The following SOX6 variants were observed in gnomAD, a reference collection of about 807,000 sequenced individuals.
The protein encoded by SOX6 is transcription factor SOX-6.
SOX6 carries 11 observed loss-of-function variants against 97.8 expected under a neutral mutation model. That is an observed-to-expected ratio of 0.11 (90% confidence interval 0.07 to 0.19). The LOEUF (loss-of-function observed/expected upper bound fraction) is 0.19, where lower values mean the gene tolerates loss of function less well. SOX6 is among the 10% of genes least tolerant of loss of function. The pLI is 1.00. For synonymous variants in SOX6, 360 were observed against 371.4 expected, an observed-to-expected ratio of 0.97 and a Z score of 0.35; for missense variants, 810 against 1,039.5, an observed-to-expected ratio of 0.78 and a Z score of 3.04.
At chr11:15,999,874 T>A (rs945488153) in intron 13 of SOX6, among the ~76,000 whole-genome samples, 5 of 152,180 alleles carry the variant, frequency 3.3e-5, no homozygotes, top group Admixed American at 1.3e-4. Flanking sequence ...ATACATTTGA[T>A]AGTCCCTTAC....
At chr11:16,333,339 T>G (rs961174234) in intron 2 of SOX6, among the ~76,000 whole-genome samples, 3 of 152,196 alleles carry the variant, frequency 2.0e-5, no homozygotes, top group Non-Finnish European at 4.4e-5. Context: ...AAACATTATT[T>G]TCTTCATGTT....
intron 4 of SOX6, among the ~76,000 whole-genome samples, chr11:16,228,685 G>A (rs921392015): frequency 6.6e-6 from 1 of 152,086 alleles, no homozygotes; most frequent in Non-Finnish European, 1.5e-5. Flanking sequence ...CACAGAACAA[G>A]GTAACTATGT....
chr11:16,357,314 T>A (rs897427191), upstream of SOX6, among the ~76,000 whole-genome samples: 19 of 152,138 alleles, frequency 1.2e-4, no homozygotes, highest in African/African-American at 2.2e-4. Flanking sequence ...CAGCACAGAA[T>A]GAAATGAAAA....
At chr11:16,321,227 T>C (rs899042971) in intron 2 of SOX6, among the ~76,000 whole-genome samples, 5 of 151,840 alleles carry the variant, frequency 3.3e-5, no homozygotes, top group Non-Finnish European at 5.9e-5. Context: ...TTCAGTTGCT[T>C]TTATTTCAGA....
chr11:16,068,556 T>C (rs1288260044), intron 9 of SOX6, among the ~76,000 whole-genome samples: 1 of 152,164 alleles, frequency 6.6e-6, no homozygotes, highest in Non-Finnish European at 1.5e-5. Flanking sequence ...TAGAAGGTAC[T>C]TGTTCAACTA....
At chr11:16,377,800 C>T (rs894084200) in intron 1 of SOX6, among the ~76,000 whole-genome samples, 8 of 152,064 alleles carry the variant, frequency 5.3e-5, no homozygotes, top group Admixed American at 3.3e-4. Flanking sequence ...TATAAACAAG[C>T]ATTTAAAAAG....
At chr11:16,546,072 A>C (rs1847617986) in intron 4 of SOX6, among the ~76,000 whole-genome samples, 1 of 152,116 alleles carries the variant, frequency 6.6e-6, no homozygotes, top group Admixed American at 6.6e-5. Context: ...CTAGCTGAGA[A>C]AGAAACCAAG....
intron 1 of SOX6, among the ~76,000 whole-genome samples, chr11:16,460,179 T>C (rs1859894239): frequency 1.3e-5 from 2 of 152,034 alleles, no homozygotes; most frequent in Non-Finnish European, 2.9e-5. Context: ...TTTAAAATAT[T>C]GGACAACCAA....
chr11:16,098,085 G>A (rs1294188016), intron 7 of SOX6, among the ~76,000 whole-genome samples: 1 of 151,808 alleles, frequency 6.6e-6, no homozygotes, highest in Non-Finnish European at 1.5e-5. Flanking sequence ...AGGCAAAGAA[G>A]AGTATTAGAG....
chr11:16,090,607 A>G (rs1249244327), intron 9 of SOX6, among the ~76,000 whole-genome samples: 1 of 151,956 alleles, frequency 6.6e-6, no homozygotes, highest in Non-Finnish European at 1.5e-5. Context: ...TGTCTCTTAT[A>G]GACAGAGCAC....
In SOX6 at chr11:16,132,285, AG is replaced by A. The variant is rs1269953229; in HGVS notation, c.778-20363del. Among the ~76,000 whole-genome samples the A allele has an allele frequency of 5.4e-5, 4 of 74,492 alleles. 1 individual carries two copies. Among genetic ancestry groups the A allele is most frequent in the Non-Finnish European group, 1.1e-4 (4 of 36,100 alleles). 48.9% of individuals were successfully genotyped at this position (74,492 alleles called of 152,430 possible). The stretch of plus-strand genomic sequence containing the variant: ...AAAGAAAGAAGGAAGGAAGGAAGGA[AG>A]GAAGGAAGGAAGGAAGGAAGGAAGG... On this transcript the variant is annotated intron_variant, in intron 6 of 15. Transcript: ENST00000683767.
chr11:15,981,602 A>G (rs1372055518), intron 15 of SOX6, among the ~76,000 whole-genome samples: 1 of 152,052 alleles, frequency 6.6e-6, no homozygotes, highest in East Asian at 1.9e-4. Context: ...TGTTCACTTT[A>G]CCTATTGAAT....
intron 3 of SOX6, among the ~76,000 whole-genome samples, chr11:16,243,960 T>C (rs1853265651): frequency 1.3e-5 from 2 of 152,132 alleles, no homozygotes; most frequent in South Asian, 4.1e-4. Context: ...TTTAGATGTA[T>C]TAGAAATAAA....
At chr11:16,214,827 G>A (rs1308863034) in intron 4 of SOX6, among the ~76,000 whole-genome samples, 1 of 144,864 alleles carries the variant, frequency 6.9e-6, no homozygotes. Flanking sequence ...TCGGCTCACT[G>A]CAACCTCCGC....
At chr11:16,550,935 A>T (rs1038916881) in intron 4 of SOX6, among the ~76,000 whole-genome samples, 7 of 152,146 alleles carry the variant, frequency 4.6e-5, no homozygotes, top group African/African-American at 1.4e-4. Flanking sequence ...TGGTAAATTA[A>T]GGCCAGGCGC....
intron 4 of SOX6, among the ~76,000 whole-genome samples, chr11:16,572,448 A>C (rs1461537129): frequency 6.6e-6 from 1 of 152,338 alleles, no homozygotes; most frequent in African/African-American, 2.4e-5. Context: ...CAGAAAACCT[A>C]TACAGACAAA....
chr11:16,117,086 A>T (rs1402960331), intron 6 of SOX6, among the ~76,000 whole-genome samples: 2 of 152,196 alleles, frequency 1.3e-5, no homozygotes, highest in African/African-American at 4.8e-5. Flanking sequence ...GTGGTGGCTC[A>T]TGCCTATAAT....
Position 15,972,499 on chromosome 11 carries a change from A to C in SOX6, c.*310T>G, listed in dbSNP as rs571399723. 8.1e-6 allele frequency: 3 copies of C among 371,634 alleles called. No homozygotes were observed. The highest frequency in any genetic ancestry group is 1.5e-5 in the Non-Finnish European group (3 of 202,340). The allele number at this position is 371,634 out of a possible 1,614,324, so 23.0% of individuals were successfully genotyped here. ...TTATCAACATCCAAAAGAAAAAAAA[A>C]GTAAGACAAAAATATAAGACTTGTA... On this transcript the variant is annotated 3_prime_UTR_variant, in exon 16 of 16. Coordinates refer to ENST00000683767, the MANE Select transcript of SOX6 (RefSeq NM_001367873.1).
intron 1 of SOX6, among the ~76,000 whole-genome samples, chr11:16,424,201 G>A (rs114606751): frequency 0.013 from 1,956 of 152,248 alleles, 50 homozygotes; most frequent in African/African-American, 0.044. Context: ...GTAAAAGGAA[G>A]AAGGAAATAA....
Sources: gnomAD v4.1 joint callset for allele counts (sites outside exome capture counted in the v4.1 genomes callset) on GRCh38, gnomAD v4.1.1 for gene constraint, MANE v1.5 for transcripts, NCBI Gene and HGNC (gene_info 2026-07-23, HGNC 2026-07-21) for gene names.